Variants in MAGI2 observed in about 807,000 individuals in gnomAD.
The protein encoded by MAGI2 is membrane associated guanylate kinase, WW and PDZ domain containing 2, also known as membrane-associated guanylate kinase, WW and PDZ domain-containing protein 2.
A neutral mutation model predicts 133.3 loss-of-function variants in MAGI2; 35 were observed. The observed-to-expected ratio is 0.26, with a 90% CI of 0.20 to 0.35. The LOEUF (loss-of-function observed/expected upper bound fraction) is 0.35, where lower values mean the gene tolerates loss of function less well. Ranked by LOEUF, MAGI2 falls within the 10% of genes least tolerant of loss-of-function variation. MAGI2 has a pLI of 1.00. For synonymous variants in MAGI2, 729 were observed against 710.6 expected, an observed-to-expected ratio of 1.03 and a Z score of -0.41; for missense variants, 1,636 against 1,863.4, an observed-to-expected ratio of 0.88 and a Z score of 2.25.
At chr7:78,637,090 A>G (rs1809744580) in intron 2 of MAGI2, among the ~76,000 whole-genome samples, 3 of 152,204 alleles carry the variant, frequency 2.0e-5, no homozygotes, top group Admixed American at 6.5e-5. Context: ...CATCAAATAT[A>G]ACTACAACAA....
intron 9 of MAGI2, among the ~76,000 whole-genome samples, chr7:78,293,244 A>G (rs906261166): frequency 6.6e-6 from 1 of 152,204 alleles, no homozygotes; most frequent in Non-Finnish European, 1.5e-5. Context: ...ACAAGAAAAA[A>G]TCAAACCACC....
intron 2 of MAGI2, among the ~76,000 whole-genome samples, chr7:78,902,307 G>A (rs779350119): frequency 5.2e-4 from 79 of 152,142 alleles, no homozygotes; most frequent in South Asian, 2.5e-3. Flanking sequence ...ATTGCTGGCT[G>A]GTAAACTAAC....
intron 1 of MAGI2, among the ~76,000 whole-genome samples, chr7:79,121,041 A>G (rs993770585): frequency 6.6e-6 from 1 of 152,150 alleles, no homozygotes; most frequent in African/African-American, 2.4e-5. Flanking sequence ...AATCAGAGTA[A>G]ATACTAGGAT....
chr7:79,332,484 A>G (rs1456084622), intron 1 of MAGI2, among the ~76,000 whole-genome samples: 1 of 152,148 alleles, frequency 6.6e-6, no homozygotes, highest in East Asian at 1.9e-4. Flanking sequence ...ACCATTTACC[A>G]TCCTTATTGC....
intron 4 of MAGI2, among the ~76,000 whole-genome samples, chr7:78,510,708 C>A (rs749377436): frequency 3.9e-5 from 6 of 152,112 alleles, no homozygotes; most frequent in Non-Finnish European, 8.8e-5. Context: ...CTTCAGAAAC[C>A]ATGCATTCTT....
intron 1 of MAGI2, among the ~76,000 whole-genome samples, chr7:79,225,407 T>C (rs1830766121): frequency 6.6e-6 from 1 of 152,200 alleles, no homozygotes; most frequent in East Asian, 1.9e-4. Context: ...CTCAAGTCCA[T>C]TTGACTATTG....
At chr7:78,500,191 C>T (rs536099332) in intron 5 of MAGI2, among the ~76,000 whole-genome samples, 4 of 152,272 alleles carry the variant, frequency 2.6e-5, no homozygotes, top group South Asian at 2.1e-4. Context: ...TCCAACTTCA[C>T]GTGAGAATTA....
At chr7:79,444,470 G>C (rs560332732) in intron 1 of MAGI2, among the ~76,000 whole-genome samples, 2 of 152,230 alleles carry the variant, frequency 1.3e-5, no homozygotes, top group East Asian at 3.9e-4. Flanking sequence ...CAAAGTCTCA[G>C]CATACAAAAT....
chr7:79,171,750 A>ATATATATATATATATATATATC (rs1196596570), intron 1 of MAGI2, among the ~76,000 whole-genome samples: 1 of 28,122 alleles, frequency 3.6e-5, no homozygotes, highest in Non-Finnish European at 1.2e-4. Flanking sequence ...AAAAATATAT[A>ATATATATATATATATATATATC]TATATATATA....
intron 2 of MAGI2, among the ~76,000 whole-genome samples, chr7:78,628,279 C>A (rs1808584835): frequency 1.1e-5 from 1 of 91,504 alleles, no homozygotes; most frequent in Non-Finnish European, 2.4e-5. Context: ...TTACATAATG[C>A]ATACATGCAA....
intron 9 of MAGI2, among the ~76,000 whole-genome samples, chr7:78,276,072 T>C (rs1294500252): frequency 1.3e-5 from 2 of 152,158 alleles, no homozygotes; most frequent in African/African-American, 4.8e-5. Flanking sequence ...ATCTCCCTAA[T>C]TACTGGTCTA....
At chr7:78,945,901 T>C (rs1801380843) in intron 2 of MAGI2, among the ~76,000 whole-genome samples, 2 of 152,224 alleles carry the variant, frequency 1.3e-5, no homozygotes, top group South Asian at 2.1e-4. Flanking sequence ...AGCCCAGAGA[T>C]AGTCCTGCTT....
intron 5 of MAGI2, 123 bp from the exon 6 acceptor site, chr7:78,489,963 G>A (rs536878083): frequency 1.5e-6 from 1 of 686,712 alleles, no homozygotes; most frequent in Non-Finnish European, 2.5e-6. Flanking sequence ...TTTGCTTACT[G>A]GTTCTAAGTA....
At chr7:78,767,513 C>A (rs1376985328) in intron 2 of MAGI2, among the ~76,000 whole-genome samples, 1 of 152,190 alleles carries the variant, frequency 6.6e-6, no homozygotes, top group African/African-American at 2.4e-5. Context: ...TAAGCTCAGT[C>A]TTTTATCATA....
rs528174733 is a variant in MAGI2 at position 78,872,224 on chromosome 7, C to T, written c.418+134866G>A. ...GATTGAAAAAAAAAAAGAAAGAATA[C>T]TACTGACAAATTTACATTCAAACCT... On this transcript the variant is annotated intron_variant, in intron 2 of 21. Transcript: ENST00000354212. Among the ~76,000 whole-genome samples the T allele has an allele frequency of 2.2e-4, 32 of 146,966 alleles. 1 individual carries two copies. In the South Asian group the frequency reaches 3.9e-3, roughly 18 times the overall value.
chr7:78,317,097 T>C (rs1293338370), intron 9 of MAGI2, among the ~76,000 whole-genome samples: 2 of 152,222 alleles, frequency 1.3e-5, no homozygotes, highest in Admixed American at 1.3e-4. Context: ...TGAATAGCGC[T>C]GCATAAAACA....
intron 1 of MAGI2, among the ~76,000 whole-genome samples, chr7:79,038,609 T>G (rs1811334325): frequency 6.6e-6 from 1 of 152,216 alleles, no homozygotes; most frequent in African/African-American, 2.4e-5. Context: ...CCATTTTCTC[T>G]ACCTTGAATT....
chr7:79,335,043 T>C (rs888737979), intron 1 of MAGI2, among the ~76,000 whole-genome samples: 1 of 152,134 alleles, frequency 6.6e-6, no homozygotes, highest in Non-Finnish European at 1.5e-5. Context: ...TTGGTTTACA[T>C]GGCTGAGCTA....
At chr7:78,767,265 A>G (rs1013761747) in intron 2 of MAGI2, among the ~76,000 whole-genome samples, 3 of 152,180 alleles carry the variant, frequency 2.0e-5, no homozygotes, top group Non-Finnish European at 4.4e-5. Flanking sequence ...CCAGGATTAC[A>G]GGCGTGAGCC....
Sources: allele counts gnomAD v4.1 joint callset (sites outside exome capture counted in the v4.1 genomes callset), GRCh38; gene constraint gnomAD v4.1.1; transcripts MANE v1.5; gene names NCBI Gene and HGNC (gene_info 2026-07-23, HGNC 2026-07-21).